ABLIM1: variants seen among roughly 807,000 people sequenced by gnomAD.
The protein encoded by ABLIM1 is actin binding LIM protein 1, also known as actin-binding LIM protein 1.
In ABLIM1, 40 loss-of-function variants were observed where a neutral mutation model predicts 107.0. That is an observed-to-expected ratio of 0.37 (90% CI 0.29 to 0.49). The LOEUF is 0.49. Ranked by LOEUF, ABLIM1 falls within the 20% of genes least tolerant of loss-of-function variation. The pLI is 0.97. For missense variants in ABLIM1, 857 were observed against 1,008.5 expected (o/e 0.85, Z 2.04); for synonymous variants, 357 against 357.3 (o/e 1.00, Z 0.01).
chr10:114,719,056 A>G (rs531365937), intron 1 of ABLIM1, among the ~76,000 whole-genome samples: 2 of 152,350 alleles, frequency 1.3e-5, no homozygotes, highest in East Asian at 3.9e-4. Flanking sequence ...CAACCGTCAT[A>G]GGGTAAACCT....
chr10:114,679,495 C>T (rs186568921), intron 1 of ABLIM1, among the ~76,000 whole-genome samples: 7 of 151,800 alleles, frequency 4.6e-5, no homozygotes, highest in East Asian at 1.9e-4. Flanking sequence ...ATTAGCCGGG[C>T]GTGGTGGCGT....
the ABLIM1 span, chr10:114,779,393 G>A: frequency 1.2e-4 from 19 of 152,120 alleles, no homozygotes; most frequent in African/African-American, 4.6e-4. Flanking sequence ...TATGCTATGC[G>A]GCATGATTTC....
intron 6 of ABLIM1, among the ~76,000 whole-genome samples, chr10:114,508,699 C>A (rs2061467350): frequency 6.6e-6 from 1 of 152,126 alleles, no homozygotes; most frequent in African/African-American, 2.4e-5. Flanking sequence ...TACGTTCCCA[C>A]AAAAATATTT....
chr10:114,653,816 GT>G (rs750543505), intron 1 of ABLIM1, among the ~76,000 whole-genome samples: 1 of 152,074 alleles, frequency 6.6e-6, no homozygotes, highest in South Asian at 2.1e-4. Context: ...TGATATATTT[GT>G]TTTGCCCACT....
intron 7 of ABLIM1, among the ~76,000 whole-genome samples, chr10:114,489,836 G>A (rs1051231089): frequency 4.6e-5 from 7 of 152,206 alleles, no homozygotes; most frequent in African/African-American, 1.4e-4. Context: ...GGCACACAAA[G>A]GCTACGGAAG....
intron 1 of ABLIM1, among the ~76,000 whole-genome samples, chr10:114,754,045 C>T (rs567926020): frequency 1.3e-5 from 2 of 152,198 alleles, no homozygotes; most frequent in South Asian, 2.1e-4. Flanking sequence ...GTAGAGACGG[C>T]GTTTCACCGT....
intron 1 of ABLIM1, among the ~76,000 whole-genome samples, chr10:114,605,407 C>T (rs1456653262): frequency 1.3e-5 from 2 of 152,176 alleles, no homozygotes; most frequent in African/African-American, 4.8e-5. Context: ...GCAAAATTTA[C>T]TTGACTGTTC....
intron 1 of ABLIM1, chr10:114,690,137 T>G (rs1297989945): frequency 2.3e-6 from 3 of 1,329,458 alleles, no homozygotes; most frequent in Non-Finnish European, 2.1e-6. Context: ...AAAACACAAG[T>G]CAAACTTATT....
the ABLIM1 span, among the ~76,000 whole-genome samples, chr10:114,787,013 C>T: frequency 2.0e-5 from 3 of 149,504 alleles, no homozygotes; most frequent in Admixed American, 1.3e-4. Flanking sequence ...AAGTGAGGAG[C>T]GTCTCTGCCC....
intron 1 of ABLIM1, among the ~76,000 whole-genome samples, chr10:114,672,065 T>C (rs954699613): frequency 2.0e-5 from 3 of 151,978 alleles, no homozygotes; most frequent in Non-Finnish European, 4.4e-5. Flanking sequence ...TTTTTTAGGA[T>C]AGGATCTGGC....
chr10:114,636,955 C>T (rs1031622791), intron 1 of ABLIM1, among the ~76,000 whole-genome samples: 2 of 150,752 alleles, frequency 1.3e-5, no homozygotes, highest in African/African-American at 2.4e-5. Context: ...ATCGCTTGAA[C>T]CCAGGAGGCA....
intron 16 of ABLIM1, among the ~76,000 whole-genome samples, chr10:114,445,023 C>T (rs141382339): frequency 3.0e-4 from 45 of 152,340 alleles, no homozygotes; most frequent in African/African-American, 1.1e-3. Context: ...ATGCACTGCA[C>T]ACATGCCCCC....
At chr10:114,549,475 C>T (rs914267597) in intron 4 of ABLIM1, among the ~76,000 whole-genome samples, 3 of 152,064 alleles carry the variant, frequency 2.0e-5, no homozygotes, top group Non-Finnish European at 2.9e-5. Context: ...AGAGTGGGCT[C>T]ACAGTTCCTC....
chr10:114,614,924 C>T (rs922962308), intron 1 of ABLIM1, among the ~76,000 whole-genome samples: 4 of 151,960 alleles, frequency 2.6e-5, no homozygotes, highest in African/African-American at 9.7e-5. Flanking sequence ...GTGGTGCGCA[C>T]CTGTAATCCC....
At position 114,734,028 on chromosome 10, in the gene ABLIM1, T is replaced by G. The variant is rs527981721; in HGVS notation, c.-213+34033A>C. 1.2e-4 allele frequency among the ~76,000 whole-genome samples: 19 copies of G among 152,066 alleles called. 1 individual carries two copies. The South Asian group carries it at 3.9e-3, about 32-fold the overall frequency. ...GGCGTGTGCCACCATGCCCGGCTGA[T>G]TTTTGTTTTTTAGTAGAGATGGGGT... is the stretch of plus-strand genomic sequence containing the variant. On this transcript the variant is annotated intron_variant, in intron 1 of 15. Coordinates refer to the ABLIM1 transcript ENST00000651092.
intron 1 of ABLIM1, among the ~76,000 whole-genome samples, chr10:114,616,352 T>A (rs1199371751): frequency 1.3e-5 from 2 of 152,194 alleles, no homozygotes; most frequent in Non-Finnish European, 2.9e-5. Flanking sequence ...CCTCAAACAC[T>A]TTACAACTGT....
chr10:114,704,342 C>T (rs1401483990), intron 1 of ABLIM1, among the ~76,000 whole-genome samples: 1 of 105,326 alleles, frequency 9.5e-6, no homozygotes, highest in Admixed American at 9.3e-5. Context: ...ATATTGCGCG[C>T]GTTACATCTG....
intron 4 of ABLIM1, among the ~76,000 whole-genome samples, chr10:114,555,873 A>G (rs1003284717): frequency 1.6e-4 from 25 of 152,184 alleles, no homozygotes; most frequent in African/African-American, 6.0e-4. Flanking sequence ...ACAAAAAACC[A>G]TATTTGTCAT....
intron 1 of ABLIM1, among the ~76,000 whole-genome samples, chr10:114,716,410 A>AACACACAC (rs56097544): frequency 0.011 from 1,560 of 143,602 alleles, 35 homozygotes; most frequent in African/African-American, 0.038. Flanking sequence ...GGTAGAGAGA[A>AACACACAC]ACACACACAC....
Sources: allele counts gnomAD v4.1 joint callset (sites outside exome capture counted in the v4.1 genomes callset), GRCh38; gene constraint gnomAD v4.1.1; transcripts MANE v1.5; gene names NCBI Gene and HGNC (gene_info 2026-07-23, HGNC 2026-07-21).